Variants in KIF17 observed in about 807,000 individuals in gnomAD.
KIF17 encodes kinesin-like protein KIF17.
In KIF17, 80 loss-of-function variants were observed where a neutral mutation model predicts 96.8. That is an observed-to-expected ratio of 0.83 (90% CI 0.69 to 1.00). KIF17 has a LOEUF of 1.00. Ranked by LOEUF, KIF17 falls within the 50% of genes least tolerant of loss-of-function variation. The pLI is 0.00. For synonymous variants in KIF17, 567 were observed against 587.5 expected, an observed-to-expected ratio of 0.97 and a Z score of 0.51; for missense variants, 1,280 against 1,372.9, an observed-to-expected ratio of 0.93 and a Z score of 1.07.
chr1:20,671,850 C>G, intron 12 of KIF17, 88 bp downstream of exon 12: 1 of 1,507,748 alleles, frequency 6.6e-7, no homozygotes, highest in Non-Finnish European at 9.0e-7. Flanking sequence ...CCACAGCCTG[C>G]AAGGAGAGGC....
Position 20,717,474 on chromosome 1 carries a change from A to G in KIF17, c.231+2T>C, listed in dbSNP as rs752146532. 8 of 1,610,112 alleles carry G rather than the reference A, an allele frequency of 5.0e-6. No homozygotes were observed. The highest frequency in any genetic ancestry group is 6.8e-6 in the Non-Finnish European group (8 of 1,179,420). ...GCAGGGCGGCCTGCCGGGCGCCCTCACCTCCACCAGCGGATAGGCGATCTC... is the reference window on the plus strand; with the variant it reads ...GCAGGGCGGCCTGCCGGGCGCCCTCGCCTCCACCAGCGGATAGGCGATCTC... On this transcript the variant is annotated splice_donor_variant, in intron 1 of 14. Coordinates refer to ENST00000400463, the MANE Select transcript of KIF17 (RefSeq NM_001122819.3). LOFTEE classifies it high-confidence loss of function.
chr1:20,684,775 T>A, intron 10 of KIF17, 34 bp downstream of exon 10: 2 of 1,540,474 alleles, frequency 1.3e-6, no homozygotes. Flanking sequence ...CACCTCACCG[T>A]GGGGTCCCGC....
At chr1:20,696,652 G>A (rs674081) in intron 6 of KIF17, among the ~76,000 whole-genome samples, 82,992 of 151,624 alleles carry the variant, frequency 0.55, 23,888 homozygotes, top group East Asian at 0.84. Context: ...CGGCCCCACC[G>A]GGCTTCCCGG....
At chr1:20,683,375 C>T (rs2053867601) in intron 10 of KIF17, among the ~76,000 whole-genome samples, 2 of 152,208 alleles carry the variant, frequency 1.3e-5, no homozygotes. Context: ...AAATTTTTGG[C>T]TGGGTGCAGT....
chr1:20,696,364 G>T (rs888974126), intron 6 of KIF17, among the ~76,000 whole-genome samples: 10 of 152,174 alleles, frequency 6.6e-5, no homozygotes, highest in Non-Finnish European at 1.5e-4. Flanking sequence ...ATAGCGGGGT[G>T]GGGGAGGGGC....
intron 11 of KIF17, among the ~76,000 whole-genome samples, chr1:20,679,241 C>T (rs779171011): frequency 4.6e-5 from 7 of 152,006 alleles, no homozygotes; most frequent in South Asian, 4.2e-4. Context: ...GGACAGCCAG[C>T]GTAACACAGC....
In KIF17 at chr1:20,664,369, C is replaced by G. The variant is rs2053486437; in HGVS notation, c.*215G>C. 2 of 1,447,452 alleles carry G rather than the reference C, an allele frequency of 1.4e-6. No individual in the cohort carries two copies. Among genetic ancestry groups the G allele is most frequent in the Admixed American group, 5.2e-5 (2 of 38,832 alleles). The allele number at this position is 1,447,452 out of a possible 1,614,324, so 89.7% of individuals were successfully genotyped here. On this transcript the variant is annotated 3_prime_UTR_variant, in exon 15 of 15. Coordinates refer to ENST00000400463, the MANE Select transcript of KIF17 (RefSeq NM_001122819.3). ...GTATGAACAGCTGGAGCAGGCCTCT[C>G]TAAGGAGGACTATACAGCCTCCGAG...
chr1:20,679,772 A>G (rs2154535553), intron 11 of KIF17, among the ~76,000 whole-genome samples: 1 of 152,292 alleles, frequency 6.6e-6, no homozygotes, highest in Non-Finnish European at 1.5e-5. Flanking sequence ...ACCTGAAATG[A>G]GTGTGGACAA....
At chr1:20,696,505 G>A (rs2054141551) in intron 6 of KIF17, among the ~76,000 whole-genome samples, 1 of 152,078 alleles carries the variant, frequency 6.6e-6, no homozygotes, top group African/African-American at 2.4e-5. Flanking sequence ...CCACGAGAAG[G>A]AGGCAGGCGA....
chr1:20,687,884 G>T lies in KIF17; in HGVS notation c.1442C>A (p.Ala481Asp). 6.2e-7 allele frequency: 1 copy of T among 1,613,918 alleles called. No homozygotes were observed. The highest frequency in any genetic ancestry group is 8.5e-7 in the Non-Finnish European group (1 of 1,180,006). Residue 481 changes from alanine to aspartate, a missense_variant, in exon 8 of 15, where the codon GCC becomes GAC. Physicochemically the swap from Ala to Asp is moderately radical, Grantham distance 126. Coordinates refer to ENST00000400463, the MANE Select transcript of KIF17 (RefSeq NM_001122819.3). The surrounding 1 kb of genome is among the most constrained non-coding windows in gnomAD (Gnocchi z 4.4). ...KAEVMSRAEF[A>D]SSAEYPPAFQ... ...AGCAGGCGGGTACTCAGCGCTGCTG[G>T]CAAACTCAGCCCTGGACATGACCTC...
At chr1:20,703,486 AGATGGATG>A (rs1491257356) in intron 5 of KIF17, among the ~76,000 whole-genome samples, 12 of 103,034 alleles carry the variant, frequency 1.2e-4, no homozygotes, top group Admixed American at 3.7e-4. Flanking sequence ...ATAGATGGAT[AGATGGATG>A]GATGCATGGA....
chr1:20,703,229 A>G (rs568200519), intron 5 of KIF17, among the ~76,000 whole-genome samples: 39 of 151,324 alleles, frequency 2.6e-4, no homozygotes, highest in African/African-American at 9.2e-4. Context: ...AAAAAGGAAG[A>G]AAGGATCTCT....
chr1:20,717,801 A>C lies in KIF17; in HGVS notation c.-95T>G, dbSNP rs1307804125. 3.0e-6 allele frequency: 4 copies of C among 1,318,554 alleles called. No individual in the cohort carries two copies. Among genetic ancestry groups the C allele is most frequent in the East Asian group, 3.2e-5 (1 of 31,526 alleles). The allele number at this position is 1,318,554 out of a possible 1,614,324, so 81.7% of individuals were successfully genotyped here. The stretch of plus-strand genomic sequence containing the variant: ...CCAAGGGGCGGGGCCAGCGCCGGCC[A>C]CGGGGGGCGGGGCCTTGAGGCAGGG... On this transcript the variant is annotated 5_prime_UTR_variant, in exon 1 of 15. Coordinates refer to ENST00000400463, the MANE Select transcript of KIF17 (RefSeq NM_001122819.3).
intron 6 of KIF17, chr1:20,693,203 C>T (rs985634015): frequency 6.6e-6 from 1 of 151,698 alleles, no homozygotes; most frequent in Non-Finnish European, 1.5e-5. Context: ...GCCTCTCCCT[C>T]AGGGTCACTA....
At chr1:20,663,039 C>A (rs966615972), downstream of KIF17, among the ~76,000 whole-genome samples, 6 of 149,068 alleles carry the variant, frequency 4.0e-5, no homozygotes, top group South Asian at 4.1e-4. Context: ...ACCAGCCTGG[C>A]CAACATGGTG....
At chr1:20,686,638 C>T (rs2053944024) in intron 8 of KIF17, among the ~76,000 whole-genome samples, 1 of 152,148 alleles carries the variant, frequency 6.6e-6, no homozygotes, top group Admixed American at 6.5e-5. Context: ...TCACTGCAAC[C>T]TCCGTCTCCC....
rs1487818485 is a variant in KIF17, at chr1:20,703,495, GATGC to G, written c.1123+948_1123+951del. On this transcript the variant is annotated intron_variant, in intron 5 of 14. Coordinates refer to ENST00000400463, the MANE Select transcript of KIF17 (RefSeq NM_001122819.3). The stretch of plus-strand genomic sequence containing the variant: ...GGATGGATAGATGGATAGATGGATG[GATGC>G]ATGGATGGATGGATGGATGGATGGA... 7.6e-3 allele frequency among the ~76,000 whole-genome samples: 867 copies of G among 114,196 alleles called. 4 individuals are homozygous for G. Among genetic ancestry groups the G allele is most frequent in the Non-Finnish European group, 0.01 (513 of 50,452 alleles). The allele number at this position is 114,196 out of a possible 152,430, so 74.9% of individuals were successfully genotyped here. A position where few individuals can be genotyped will look rare whatever the true frequency, so the allele number is the denominator to read the frequency against.
chr1:20,691,485 CTGT>C (rs1174034281), intron 6 of KIF17, among the ~76,000 whole-genome samples: 2 of 148,508 alleles, frequency 1.3e-5, no homozygotes, highest in East Asian at 4.1e-4. Context: ...TGGAGTTTCA[CTGT>C]TGTTGCCCAG....
In KIF17 at chr1:20,689,662, A is replaced by T. The variant is rs554678139; in HGVS notation, c.1381+526T>A. 3.0e-3 allele frequency among the ~76,000 whole-genome samples: 457 copies of T among 151,488 alleles called. 2 individuals are homozygous for T. Among genetic ancestry groups the T allele is most frequent in the African/African-American group, 0.011 (442 of 41,240 alleles). Reference sequence around the variant, plus strand: ...CAAGACTCCATCTCAAAACAAAGAAATTTTTTTTTAAAAAAAAAGAACACA... The same window carrying T: ...CAAGACTCCATCTCAAAACAAAGAATTTTTTTTTTAAAAAAAAAGAACACA... On this transcript the variant is annotated intron_variant, in intron 7 of 14. Transcript: ENST00000400463.
Sources: allele counts gnomAD v4.1 joint callset (sites outside exome capture counted in the v4.1 genomes callset), GRCh38; gene constraint gnomAD v4.1.1; non-coding constraint Gnocchi (gnomAD v3.1); transcripts MANE v1.5; gene names NCBI Gene and HGNC (gene_info 2026-07-23, HGNC 2026-07-21).